Variants in DISP3 observed in about 807,000 individuals in gnomAD.
DISP3 encodes protein dispatched homolog 3.
DISP3 carries 101 observed loss-of-function variants against 135.3 expected under a neutral mutation model. The observed-to-expected ratio is 0.75, with a 90% CI of 0.64 to 0.88. The LOEUF (loss-of-function observed/expected upper bound fraction) is 0.88. Ranked by LOEUF, DISP3 falls within the 40% of genes least tolerant of loss-of-function variation. The pLI, the probability that DISP3 is intolerant of heterozygous loss-of-function variation, is 0.00. For synonymous variants in DISP3, 856 were observed against 817.0 expected, an observed-to-expected ratio of 1.05 and a Z score of -0.81; for missense variants, 1,713 against 1,878.6, an observed-to-expected ratio of 0.91 and a Z score of 1.63.
intron 19 of DISP3, 75 bp from the exon 20 acceptor site, chr1:11,535,403 A>T: frequency 6.6e-7 from 1 of 1,519,176 alleles, no homozygotes; most frequent in Non-Finnish European, 8.8e-7. Flanking sequence ...TGGGGGCTGG[A>T]CTCCAGACCT....
intron 1 of DISP3, among the ~76,000 whole-genome samples, chr1:11,484,876 A>G (rs1640993283): frequency 6.6e-6 from 1 of 152,116 alleles, no homozygotes; most frequent in South Asian, 2.1e-4. Context: ...CAGGGACCTC[A>G]ACCTCCTTTG....
rs780961704 is a variant in DISP3 at position 11,526,809 on chromosome 1, G to A, written c.2772G>A (p.Val924=). Residue 924 remains valine (V), a synonymous_variant, in exon 13 of 21, where the codon GTG becomes GTA. Coordinates refer to ENST00000294484, the MANE Select transcript of DISP3 (RefSeq NM_020780.2). The stretch of plus-strand genomic sequence containing the variant: ...GGAAGTTTGACTTCAGCTTCTACGT[G>A]GCCACCAAGGAGCAGCAGCACACCC... ...RGWKFDFSFY[V]ATKEQQHTRK... The A allele has an allele frequency of 1.2e-6, 2 of 1,608,482 alleles. No homozygotes were observed. The highest frequency in any genetic ancestry group is 1.7e-6 in the Non-Finnish European group (2 of 1,179,776).
intron 7 of DISP3, among the ~76,000 whole-genome samples, chr1:11,518,451 G>A (rs548778107): frequency 5.7e-4 from 87 of 152,348 alleles, no homozygotes; most frequent in African/African-American, 2.1e-3. Context: ...GCACTGCTCT[G>A]TGTACCATGG....
chr1:11,480,033 G>A (rs1640851157), intron 1 of DISP3, among the ~76,000 whole-genome samples: 4 of 152,210 alleles, frequency 2.6e-5, no homozygotes, highest in Admixed American at 2.6e-4. Flanking sequence ...GCGGCGCTGA[G>A]GGTCGGGAAA....
At chr1:11,513,512 G>A (rs920327467) in intron 3 of DISP3, among the ~76,000 whole-genome samples, 2 of 151,778 alleles carry the variant, frequency 1.3e-5, no homozygotes, top group Non-Finnish European at 2.9e-5. Context: ...TGTCAGCCTT[G>A]TCTTTGTTCC....
chr1:11,510,852 A>C (rs1300481332), intron 3 of DISP3, among the ~76,000 whole-genome samples: 1 of 152,168 alleles, frequency 6.6e-6, no homozygotes, highest in Non-Finnish European at 1.5e-5. Context: ...AAACTCGGAG[A>C]GAAAAAAAAA....
chr1:11,482,909 C>A (rs1028758868), intron 1 of DISP3, among the ~76,000 whole-genome samples: 2 of 152,216 alleles, frequency 1.3e-5, no homozygotes, highest in South Asian at 2.1e-4. Context: ...AACACCCTTC[C>A]AAGCTAGATT....
rs371768702 is a variant in DISP3, at chr1:11,501,874, C to T, written c.882C>T (p.Arg294=). The T allele has an allele frequency of 1.9e-4, 305 of 1,613,082 alleles. 1 individual carries two copies. Among genetic ancestry groups the T allele is most frequent in the Non-Finnish European group, 2.3e-4 (271 of 1,179,716 alleles). ...DAERNIFTSE[R]LVTIHEIERK... Reference sequence around the variant, plus strand: ...AGCGCAACATTTTCACCAGTGAGCGCCTGGTCACGATCCATGAGATCGAGC... The same window carrying T: ...AGCGCAACATTTTCACCAGTGAGCGTCTGGTCACGATCCATGAGATCGAGC... The change falls in exon 2 of 21, where the codon CGC becomes CGT. Residue 294 remains arginine, a synonymous_variant. Transcript: ENST00000294484. This position sits in a 1 kb window ranked among gnomAD's most constrained non-coding sequence, Gnocchi z 4.9.
At chr1:11,490,131 G>T (rs766336379) in intron 1 of DISP3, among the ~76,000 whole-genome samples, 12 of 152,086 alleles carry the variant, frequency 7.9e-5, no homozygotes, top group Non-Finnish European at 1.8e-4. Context: ...TGTCGGGGGT[G>T]GGGGTGGTCT....
In DISP3 at chr1:11,516,165, C is replaced by T. The variant is rs774149683; in HGVS notation, c.1749+4C>T. The T allele has an allele frequency of 2.0e-5, 33 of 1,612,506 alleles. No homozygotes were observed. The East Asian group carries it at 6.0e-4, about 29-fold the overall frequency. ...CGCAGCTAACGTCTTCTCCCAGGTG[C>T]GGACCTGTCCTCCATTCCTGTCCTG... On this transcript the variant is annotated splice_donor_region_variant and intron_variant, in intron 6 of 20. Coordinates refer to ENST00000294484, the MANE Select transcript of DISP3 (RefSeq NM_020780.2). This position sits in a 1 kb window ranked among gnomAD's most constrained non-coding sequence, Gnocchi z 5.1.
chr1:11,501,902 A>T lies in DISP3; in HGVS notation c.910A>T (p.Lys304Ter), dbSNP rs1374935692. ...GGTCACGATCCATGAGATCGAGCGC[A>T]AGATCATGGACCACCCAGGCTTCCG... ...RLVTIHEIER[K>*]IMDHPGFREF... The change falls in exon 2 of 21, where the codon AAG (lysine) becomes TAG (stop). Residue 304 changes from lysine to a stop codon, truncating the protein, a stop_gained. Coordinates refer to ENST00000294484, the MANE Select transcript of DISP3 (RefSeq NM_020780.2). LOFTEE classifies it high-confidence loss of function. This position sits in a 1 kb window ranked among gnomAD's most constrained non-coding sequence, Gnocchi z 4.9. 6.2e-7 allele frequency: 1 copy of T among 1,613,404 alleles called. No individual in the cohort carries two copies. Among genetic ancestry groups the T allele is most frequent in the Admixed American group, 1.7e-5 (1 of 59,990 alleles).
chr1:11,484,266 C>T (rs528545544), intron 1 of DISP3, among the ~76,000 whole-genome samples: 5 of 152,268 alleles, frequency 3.3e-5, no homozygotes, highest in South Asian at 4.1e-4. Context: ...TCAAGTCACC[C>T]GCTCAAGGTC....
At chr1:11,534,282 C>T (rs1296457091) in intron 17 of DISP3, 99 bp from the exon 18 acceptor site, 4 of 1,429,340 alleles carry the variant, frequency 2.8e-6, no homozygotes, top group Admixed American at 3.4e-5. Flanking sequence ...AACACACGCA[C>T]CACTCCATTG....
At chr1:11,480,675 G>A (rs113251818) in intron 1 of DISP3, among the ~76,000 whole-genome samples, 3 of 77,470 alleles carry the variant, frequency 3.9e-5, no homozygotes, top group East Asian at 4.0e-4. Flanking sequence ...CAGCGCGCGC[G>A]TGCACACACA....
rs370213637 is a variant in DISP3, at chr1:11,519,788, C to A, written c.2108C>A (p.Thr703Lys). The A allele has an allele frequency of 6.2e-7, 1 of 1,613,010 alleles. No homozygotes were observed. The highest frequency in any genetic ancestry group is 1.1e-5 in the South Asian group (1 of 91,076). The change falls in exon 9 of 21, where the codon ACG becomes AAG. Residue 703 changes from threonine to lysine, a missense_variant. Thr to Lys is a moderately conservative substitution (Grantham distance 78, BLOSUM62 -1). Around this residue, in one of 2 missense-constraint regions of DISP3, gnomAD observed 1,142 missense variants for 1,384.6 expected, o/e 0.82. Transcript: ENST00000294484. This position sits in a 1 kb window ranked among gnomAD's most constrained non-coding sequence, Gnocchi z 4.3. ...SPEGLQPASN[T>K]GSRGHLIVQL... ...GAGGGTCTGCAGCCAGCCTCCAACA[C>A]GGGCAGCCGCGGCCATCTCATCGTG...
At chr1:11,484,153 T>G (rs1339032652) in intron 1 of DISP3, among the ~76,000 whole-genome samples, 1 of 152,218 alleles carries the variant, frequency 6.6e-6, no homozygotes, top group Admixed American at 6.5e-5. Flanking sequence ...CCAGGCAGTG[T>G]GCTAAATGCT....
At chr1:11,481,728 T>C (rs1485505951) in intron 1 of DISP3, 1 of 152,226 alleles carries the variant, frequency 6.6e-6, no homozygotes, top group African/African-American at 2.4e-5. Flanking sequence ...ATCTGGAACA[T>C]TGACTCTCTA....
chr1:11,489,655 T>C (rs1250324536), intron 1 of DISP3, among the ~76,000 whole-genome samples: 6 of 152,178 alleles, frequency 3.9e-5, no homozygotes, highest in African/African-American at 1.4e-4. Flanking sequence ...GAGCATCTCT[T>C]CCCGCTCCCC....
rs1384146402 is a variant in DISP3, at chr1:11,526,721, A to G, written c.2684A>G (p.Gln895Arg). 3.1e-6 allele frequency: 5 copies of G among 1,614,034 alleles called. No homozygotes were observed. Among genetic ancestry groups the G allele is most frequent in the Admixed American group, 1.7e-5 (1 of 60,028 alleles). ...TACMSTVGLL[Q>R]AASPSRKWML... ...TGTATGTCTACAGTAGGGCTGCTCC[A>G]GGCGGCGAGCCCCTCCCGCAAGTGG... The change falls in exon 13 of 21, where the codon CAG (glutamine) becomes CGG (arginine). Residue 895 changes from glutamine (Q) to arginine (R), a missense_variant. Around this residue, in one of 2 missense-constraint regions of DISP3, gnomAD observed 1,142 missense variants for 1,384.6 expected, o/e 0.82. Coordinates refer to ENST00000294484, the MANE Select transcript of DISP3 (RefSeq NM_020780.2).
Sources: gnomAD v4.1 joint callset for allele counts (sites outside exome capture counted in the v4.1 genomes callset) on GRCh38, gnomAD v4.1.1 for gene constraint, gnomAD v4.1.1 regional missense constraint, Gnocchi (gnomAD v3.1) non-coding constraint, MANE v1.5 for transcripts, NCBI Gene and HGNC (gene_info 2026-07-23, HGNC 2026-07-21) for gene names.